The following EPHB2 variants were observed in gnomAD, a reference collection of about 807,000 sequenced individuals.
The protein encoded by EPHB2 is ephrin type-B receptor 2.
EPHB2 carries 18 observed loss-of-function variants against 96.4 expected under a neutral mutation model. That is an observed-to-expected ratio of 0.19 (90% CI 0.13 to 0.28). EPHB2 has a LOEUF of 0.28. Among genes scored for constraint, EPHB2 ranks in the 10% least tolerant of loss-of-function variants. The pLI is 1.00. For synonymous variants in EPHB2, 506 were observed against 534.1 expected (o/e 0.95, Z 0.72); for missense variants, 989 against 1,355.4 (o/e 0.73, Z 4.25).
intron 3 of EPHB2, among the ~76,000 whole-genome samples, chr1:22,849,379 T>C (rs575154758): frequency 7.9e-5 from 12 of 152,280 alleles, no homozygotes; most frequent in African/African-American, 2.9e-4. Flanking sequence ...ATTGCTTCTT[T>C]CCCTCCTTCT....
chr1:22,809,617 C>T (rs548903020), intron 3 of EPHB2, among the ~76,000 whole-genome samples: 1 of 152,320 alleles, frequency 6.6e-6, no homozygotes, highest in African/African-American at 2.4e-5. Flanking sequence ...AACTGACTCC[C>T]AGCAAGGTTA....
intron 8 of EPHB2, among the ~76,000 whole-genome samples, chr1:22,896,125 A>G (rs1301934997): frequency 6.6e-6 from 1 of 152,244 alleles, no homozygotes; most frequent in Non-Finnish European, 1.5e-5. Flanking sequence ...CCATAAGTTC[A>G]GGTGGACAGA....
chr1:22,918,584 G>A lies in EPHB2; in HGVS notation c.*5014G>A, dbSNP rs1640324887. The A allele has an allele frequency of 6.6e-6, 1 of 152,244 alleles. No homozygotes were observed. The highest frequency in any genetic ancestry group is 6.5e-5 in the Admixed American group (1 of 15,282). The allele number at this position is 152,244 out of a possible 1,614,324, so 9.4% of individuals were successfully genotyped here. A position where few individuals can be genotyped will look rare whatever the true frequency, so the allele number is the denominator to read the frequency against. ...AGTTGAGGGAGCCCCACTGTGCTGTGTGATGCTACATACGCATGCGAATAC... is the reference window on the plus strand; with the variant it reads ...AGTTGAGGGAGCCCCACTGTGCTGTATGATGCTACATACGCATGCGAATAC... On this transcript the variant is annotated 3_prime_UTR_variant, in exon 16 of 16. Transcript: ENST00000374630. This position sits in a 1 kb window ranked among gnomAD's most constrained non-coding sequence, Gnocchi z 4.2.
intron 1 of EPHB2, among the ~76,000 whole-genome samples, chr1:22,765,885 TG>T (rs1339448482): frequency 6.6e-6 from 1 of 151,868 alleles, no homozygotes; most frequent in African/African-American, 2.4e-5. Context: ...CTCCCTGGGG[TG>T]GGGGCAGAGG....
intron 1 of EPHB2, among the ~76,000 whole-genome samples, chr1:22,731,638 G>T (rs892853817): frequency 1.3e-5 from 2 of 152,194 alleles, no homozygotes; most frequent in Non-Finnish European, 2.9e-5. Context: ...AGGAGTTCAA[G>T]ACCAGCCTGG....
At chr1:22,909,231 C>T (rs568914212) in intron 13 of EPHB2, 60 bp downstream of exon 13, 30 of 1,612,500 alleles carry the variant, frequency 1.9e-5, no homozygotes, top group Non-Finnish European at 2.3e-5. Flanking sequence ...GAGGGAAGAT[C>T]GGGGCTCCTG....
intron 3 of EPHB2, among the ~76,000 whole-genome samples, chr1:22,803,643 GTGTATATATATATA>G (rs1557683703): frequency 8.3e-3 from 17 of 2,048 alleles, no homozygotes; most frequent in African/African-American, 0.014. Flanking sequence ...GTATATATAT[GTGTATATATATATA>G]TGTGTATATA....
At position 22,906,815 on chromosome 1, in the gene EPHB2, G is replaced by A. The variant is rs534341737; in HGVS notation, c.1994G>A (p.Arg665Gln). The change falls in exon 11 of 16, where the codon CGG becomes CAG. Residue 665 changes from arginine to glutamine, a missense_variant. Arg to Gln is a conservative substitution (Grantham distance 43, BLOSUM62 1). Coordinates refer to ENST00000374630, the MANE Select transcript of EPHB2 (RefSeq NM_017449.5). This position sits in a 1 kb window ranked among gnomAD's most constrained non-coding sequence, Gnocchi z 4.8. ...TCGGGCTACACGGAGAAGCAGCGCC[G>A]GGACTTCCTGAGCGAAGCCTCCATC... ...LKSGYTEKQRRDFLSEASIMG... is the reference protein window; with the variant it reads ...LKSGYTEKQRQDFLSEASIMG... 14 of 1,614,180 alleles carry A rather than the reference G, an allele frequency of 8.7e-6. No homozygotes were observed. Among genetic ancestry groups the A allele is most frequent in the African/African-American group, 2.7e-5 (2 of 75,056 alleles).
intron 1 of EPHB2, among the ~76,000 whole-genome samples, chr1:22,714,837 AGCTCTGTTCAAATT>A (rs768798686): frequency 3.3e-5 from 5 of 152,138 alleles, no homozygotes; most frequent in Non-Finnish European, 5.9e-5. Flanking sequence ...TGGTCTGAAG[AGCTCTGTTCAAATT>A]CCACCTCCCC....
At chr1:22,879,019 C>G (rs1009690824) in intron 5 of EPHB2, among the ~76,000 whole-genome samples, 1 of 152,206 alleles carries the variant, frequency 6.6e-6, no homozygotes, top group African/African-American at 2.4e-5. Flanking sequence ...ACCTGCTTGG[C>G]CGGCCCTCTG....
chr1:22,881,545 T>G (rs1036675421), intron 5 of EPHB2, among the ~76,000 whole-genome samples: 4 of 151,992 alleles, frequency 2.6e-5, no homozygotes, highest in African/African-American at 9.7e-5. Context: ...CAACAGAGTC[T>G]CAAAAAATAA....
At chr1:22,824,177 G>A (rs1162782887) in intron 3 of EPHB2, among the ~76,000 whole-genome samples, 1 of 151,942 alleles carries the variant, frequency 6.6e-6, no homozygotes, top group African/African-American at 2.4e-5. Flanking sequence ...ATGAATACAT[G>A]GATCATAGAT....
rs140165282 is a variant in EPHB2, at chr1:22,797,857, G to A, written c.811+12781G>A. ...CTAGGCACTCTGACCTCCTTCTGCCGGGAATGTTCTTTCCCTAGATATCCA... is the reference window on the plus strand; with the variant it reads ...CTAGGCACTCTGACCTCCTTCTGCCAGGAATGTTCTTTCCCTAGATATCCA... On this transcript the variant is annotated intron_variant, in intron 3 of 15. Coordinates refer to ENST00000374630, the MANE Select transcript of EPHB2 (RefSeq NM_017449.5). 2.8e-3 allele frequency among the ~76,000 whole-genome samples: 430 copies of A among 152,082 alleles called. 9 individuals carry two copies. Among genetic ancestry groups the A allele is most frequent in the African/African-American group, 9.7e-3 (404 of 41,470 alleles).
intron 1 of EPHB2, among the ~76,000 whole-genome samples, chr1:22,736,525 C>T (rs1643832147): frequency 6.6e-6 from 1 of 152,200 alleles, no homozygotes; most frequent in Admixed American, 6.5e-5. Flanking sequence ...AGCATGGTTC[C>T]CTGGGGGTGG....
At chr1:22,887,544 C>T (rs1457458346) in intron 6 of EPHB2, among the ~76,000 whole-genome samples, 1 of 152,220 alleles carries the variant, frequency 6.6e-6, no homozygotes, top group Non-Finnish European at 1.5e-5. Context: ...TGGGATTTCC[C>T]AGCCTGCCTG....
chr1:22,872,466 C>T (rs1052455119), intron 5 of EPHB2, among the ~76,000 whole-genome samples: 1 of 152,128 alleles, frequency 6.6e-6, no homozygotes, highest in Non-Finnish European at 1.5e-5. Flanking sequence ...TCACAGATCC[C>T]GGGAATTAAG....
chr1:22,830,892 C>G (rs550886902), intron 3 of EPHB2, among the ~76,000 whole-genome samples: 1 of 152,282 alleles, frequency 6.6e-6, no homozygotes, highest in South Asian at 2.1e-4. Flanking sequence ...CTTAGATCAA[C>G]AAGAAGCATT....
intron 1 of EPHB2, among the ~76,000 whole-genome samples, chr1:22,762,792 A>C (rs1285464808): frequency 6.6e-6 from 1 of 152,192 alleles, no homozygotes; most frequent in African/African-American, 2.4e-5. Context: ...ATTTTCTGTG[A>C]AATGGGAGTG....
At chr1:22,883,829 C>A (rs113388761) in intron 6 of EPHB2, among the ~76,000 whole-genome samples, 2 of 152,316 alleles carry the variant, frequency 1.3e-5, no homozygotes, top group African/African-American at 4.8e-5. Flanking sequence ...GGGGCTACGT[C>A]TCCATTCACC....
Sources: allele counts gnomAD v4.1 joint callset (sites outside exome capture counted in the v4.1 genomes callset), GRCh38; gene constraint gnomAD v4.1.1; non-coding constraint Gnocchi (gnomAD v3.1); transcripts MANE v1.5; gene names NCBI Gene and HGNC (gene_info 2026-07-23, HGNC 2026-07-21).